Variants in PDE5A observed in about 807,000 individuals in gnomAD.
PDE5A encodes cGMP-specific 3',5'-cyclic phosphodiesterase.
A neutral mutation model predicts 110.2 loss-of-function variants in PDE5A; 67 were observed. The observed-to-expected ratio is 0.61, with a 90% confidence interval of 0.50 to 0.75. The LOEUF is 0.75. PDE5A is among the 30% of genes least tolerant of loss of function. PDE5A has a pLI of 0.00. For missense variants in PDE5A, 862 were observed against 1,045.1 expected, an observed-to-expected ratio of 0.82 and a Z score of 2.42; for synonymous variants, 328 against 351.2, an observed-to-expected ratio of 0.93 and a Z score of 0.74.
chr4:119,555,511 G>T (rs1727503970), intron 7 of PDE5A, among the ~76,000 whole-genome samples: 1 of 151,860 alleles, frequency 6.6e-6, no homozygotes, highest in South Asian at 2.1e-4. Flanking sequence ...AAAATAAGAA[G>T]CTATAGTGAA....
At chr4:119,575,381 T>C (rs1391391138) in intron 3 of PDE5A, among the ~76,000 whole-genome samples, 2 of 152,110 alleles carry the variant, frequency 1.3e-5, no homozygotes, top group African/African-American at 4.8e-5. Context: ...AGACACATAA[T>C]TGTCAGATTC....
chr4:119,581,879 A>T (rs1233891133), intron 3 of PDE5A, among the ~76,000 whole-genome samples: 2 of 152,268 alleles, frequency 1.3e-5, no homozygotes, highest in South Asian at 2.1e-4. Context: ...TACCATAATT[A>T]AAAAATACTT....
Position 119,621,931 on chromosome 4 carries a change from G to A in PDE5A, c.152+6589C>T, listed in dbSNP as rs184436629. On this transcript the variant is annotated intron_variant, in intron 1 of 20. Coordinates refer to ENST00000354960, the MANE Select transcript of PDE5A (RefSeq NM_001083.4). ...CACGCCTGTAATCCCAGCACTTTGGGAGGCCGAGGCGGGGGGATCACCAAG... is the reference window on the plus strand; with the variant it reads ...CACGCCTGTAATCCCAGCACTTTGGAAGGCCGAGGCGGGGGGATCACCAAG... 8.3e-3 allele frequency among the ~76,000 whole-genome samples: 1,264 copies of A among 152,300 alleles called. 6 individuals carry two copies. The highest frequency in any genetic ancestry group is 0.013 in the Non-Finnish European group (878 of 68,020).
At chr4:119,506,173 T>C (rs1725547284) in intron 16 of PDE5A, among the ~76,000 whole-genome samples, 1 of 151,868 alleles carries the variant, frequency 6.6e-6, no homozygotes, top group Non-Finnish European at 1.5e-5. Context: ...TCACAAATTA[T>C]GGTAATTTCA....
chr4:119,585,772 G>A (rs1053890158), intron 3 of PDE5A, among the ~76,000 whole-genome samples: 2 of 152,122 alleles, frequency 1.3e-5, no homozygotes, highest in Admixed American at 6.5e-5. Flanking sequence ...ACAGAACGCC[G>A]GGAAAGTCGT....
intron 2 of PDE5A, among the ~76,000 whole-genome samples, chr4:119,605,890 C>T (rs947618960): frequency 3.9e-5 from 6 of 152,152 alleles, no homozygotes; most frequent in Non-Finnish European, 5.9e-5. Context: ...CCAGAATTAC[C>T]ACTGAATCTT....
intron 20 of PDE5A, 183 bp downstream of exon 20, chr4:119,500,987 G>C: frequency 1.8e-6 from 1 of 565,704 alleles, no homozygotes; most frequent in South Asian, 2.2e-5. Context: ...GCACTCAATA[G>C]ATATTAGTAT....
At chr4:119,507,731 A>G in intron 15 of PDE5A, 27 bp from the exon 16 acceptor site, 1 of 1,427,014 alleles carries the variant, frequency 7.0e-7, no homozygotes. Flanking sequence ...AACCAGTATT[A>G]ACATCCTGGA....
Position 119,627,989 on chromosome 4 carries a change from A to C in PDE5A, c.152+531T>G, listed in dbSNP as rs1280783825. 22 of 968,398 alleles carry C rather than the reference A, an allele frequency of 2.3e-5. No homozygotes were observed. Among genetic ancestry groups the C allele is most frequent in the Non-Finnish European group, 2.6e-5 (21 of 814,490 alleles). 60.0% of individuals were successfully genotyped at this position (968,398 alleles called of 1,614,324 possible). A position where few individuals can be genotyped will look rare whatever the true frequency, so the allele number is the denominator to read the frequency against. On this transcript the variant is annotated intron_variant, in intron 1 of 20. Coordinates refer to ENST00000354960, the MANE Select transcript of PDE5A (RefSeq NM_001083.4). This position sits in a 1 kb window ranked among gnomAD's most constrained non-coding sequence, Gnocchi z 4.6. ...CTGGAAGGGGGGAAAAGGCAACCGC[A>C]CTCACTTTGGCAAGGTTCCGTCATG...
intron 3 of PDE5A, among the ~76,000 whole-genome samples, chr4:119,584,249 C>T (rs1188440423): frequency 6.6e-6 from 1 of 152,012 alleles, no homozygotes; most frequent in East Asian, 1.9e-4. Flanking sequence ...GATGGGGAGG[C>T]AATGTAGAGA....
intron 14 of PDE5A, among the ~76,000 whole-genome samples, chr4:119,517,854 C>T (rs1050956691): frequency 1.3e-5 from 2 of 152,000 alleles, no homozygotes; most frequent in African/African-American, 4.8e-5. Context: ...TGACTCTGTA[C>T]TATACATCTT....
intron 20 of PDE5A, chr4:119,500,814 G>A (rs2306455): frequency 0.27 from 42,602 of 160,074 alleles, 5,771 homozygotes; most frequent in East Asian, 0.38. Context: ...TTATGACAAT[G>A]AGAAAAAGTT....
At chr4:119,594,717 G>A (rs1220445484) in intron 3 of PDE5A, among the ~76,000 whole-genome samples, 1 of 152,070 alleles carries the variant, frequency 6.6e-6, no homozygotes, top group Non-Finnish European at 1.5e-5. Context: ...GGCATTTTTA[G>A]TTACTACTGC....
chr4:119,593,114 T>C (rs559908018), intron 3 of PDE5A, among the ~76,000 whole-genome samples: 10 of 152,344 alleles, frequency 6.6e-5, no homozygotes, highest in African/African-American at 2.4e-4. Flanking sequence ...GGAACTCTCA[T>C]ACACTGCTGA....
chr4:119,588,388 G>T (rs549688809), intron 3 of PDE5A, among the ~76,000 whole-genome samples: 1 of 151,838 alleles, frequency 6.6e-6, no homozygotes. Context: ...TGTTGGCCAG[G>T]CTGATCTTGA....
chr4:119,553,612 T>TCGGTGGTCGCCGTA, intron 8 of PDE5A, 26 bp downstream of exon 8: 1 of 1,125,238 alleles, frequency 8.9e-7, no homozygotes. Flanking sequence ...GCCTTCTAGC[T>TCGGTGGTCGCCGTA]TCAAGTCTAA....
chr4:119,600,400 G>T (rs1729303328), intron 2 of PDE5A, among the ~76,000 whole-genome samples: 1 of 152,084 alleles, frequency 6.6e-6, no homozygotes, highest in Admixed American at 6.5e-5. Flanking sequence ...TATTTTCCTA[G>T]CTCTGTCTGC....
chr4:119,582,481 A>C (rs1249411382), intron 3 of PDE5A, among the ~76,000 whole-genome samples: 1 of 152,152 alleles, frequency 6.6e-6, no homozygotes. Flanking sequence ...ACTTCTTCCA[A>C]ATTCCTGTTC....
At chr4:119,578,322 A>T (rs1257860645) in intron 3 of PDE5A, among the ~76,000 whole-genome samples, 2 of 152,222 alleles carry the variant, frequency 1.3e-5, no homozygotes, top group South Asian at 2.1e-4. Flanking sequence ...TTCTTCACAG[A>T]ATTGGAAAAA....
Sources: gnomAD v4.1 joint callset for allele counts (sites outside exome capture counted in the v4.1 genomes callset) on GRCh38, gnomAD v4.1.1 for gene constraint, Gnocchi (gnomAD v3.1) non-coding constraint, MANE v1.5 for transcripts, NCBI Gene and HGNC (gene_info 2026-07-23, HGNC 2026-07-21) for gene names.